Variants in KRT222 observed in about 807,000 individuals in gnomAD.
KRT222 encodes the protein keratin 222.
KRT222 carries 23 observed loss-of-function variants against 35.0 expected under a neutral mutation model. The ratio of observed to expected loss-of-function variants is 0.66; its 90% confidence interval spans 0.47 to 0.93. KRT222 has a LOEUF of 0.93. Ranked by LOEUF, KRT222 falls within the 40% of genes least tolerant of loss-of-function variation. KRT222 has a pLI of 0.00. For missense variants in KRT222, 339 were observed against 346.3 expected, an observed-to-expected ratio of 0.98 and a Z score of 0.17; for synonymous variants, 108 against 118.8, an observed-to-expected ratio of 0.91 and a Z score of 0.59.
Position 40,656,189 on chromosome 17 carries a change from C to A in KRT222, c.*213G>T, listed in dbSNP as rs1389929035. 14 of 420,618 alleles carry A rather than the reference C, an allele frequency of 3.3e-5. No individual in the cohort carries two copies. Among genetic ancestry groups the A allele is most frequent in the African/African-American group, 8.1e-5 (4 of 49,330 alleles). The allele number at this position is 420,618 out of a possible 1,614,324, so 26.1% of individuals were successfully genotyped here. A position where few individuals can be genotyped will look rare whatever the true frequency, so the allele number is the denominator to read the frequency against. On this transcript the variant is annotated 3_prime_UTR_variant, in exon 6 of 6. Transcript: ENST00000394052. ...TTTGTGATTTTATTTTTAAGCTACTCCCTCTCATTCATATATATATATATA... is the reference window on the plus strand; with the variant it reads ...TTTGTGATTTTATTTTTAAGCTACTACCTCTCATTCATATATATATATATA...
At position 40,665,160 on chromosome 17, in the gene KRT222, AGTCTGCTCG is replaced by A; in HGVS notation, c.-70_-62del. 6.6e-7 allele frequency: 1 copy of A among 1,516,060 alleles called. No homozygotes were observed. Among genetic ancestry groups the A allele is most frequent in the Non-Finnish European group, 9.1e-7 (1 of 1,094,490 alleles). 93.9% of individuals were successfully genotyped at this position (1,516,060 alleles called of 1,614,324 possible). On this transcript the variant is annotated 5_prime_UTR_variant, in exon 1 of 6. Coordinates refer to ENST00000394052, the MANE Select transcript of KRT222 (RefSeq NM_152349.3). ...TATCGATAGGATGAGTCGCTGCGGC[AGTCTGCTCG>A]GTCTGCGCGGAAGGCAGGGAGCCTC... is the stretch of plus-strand genomic sequence containing the variant.
intron 1 of KRT222, among the ~76,000 whole-genome samples, chr17:40,662,400 G>GA (rs2037389401): frequency 6.6e-6 from 1 of 152,210 alleles, no homozygotes; most frequent in Non-Finnish European, 1.5e-5. Context: ...AGGAAGGATT[G>GA]AAAATTAGCT....
Position 40,662,545 on chromosome 17 carries a change from A to G in KRT222, c.97-501T>C, listed in dbSNP as rs527680087. Among the ~76,000 whole-genome samples, 5 of 152,346 alleles carry G rather than the reference A, an allele frequency of 3.3e-5. No homozygotes were observed. The South Asian group carries it at 1.0e-3, about 32-fold the overall frequency. On this transcript the variant is annotated intron_variant, in intron 1 of 5. Coordinates refer to ENST00000394052, the MANE Select transcript of KRT222 (RefSeq NM_152349.3). ...CTAGGAAATACATTACTAGTAATTT[A>G]GAGAATTAAGTTGTTATAGGCAATA...
In KRT222 at chr17:40,657,459, T is replaced by A; in HGVS notation, c.552A>T (p.Thr184=). The A allele has an allele frequency of 6.2e-7, 1 of 1,606,296 alleles. No individual in the cohort carries two copies. The highest frequency in any genetic ancestry group is 1.1e-5 in the South Asian group (1 of 90,126). ...CATTCTCATACTTTTGTGGGACTTTTGTAGTAAAAGATATTTCATTTATAA... is the reference window on the plus strand; with the variant it reads ...CATTCTCATACTTTTGTGGGACTTTAGTAGTAAAAGATATTTCATTTATAA... ...SAIINEISFT[T]KVPQKYENEN... is the part of the protein sequence containing the mutation. Residue 184 remains threonine, a synonymous_variant, in exon 5 of 6, where the codon ACA becomes ACT. Transcript: ENST00000394052.
intron 3 of KRT222, among the ~76,000 whole-genome samples, chr17:40,659,378 T>G (rs1354102956): frequency 6.6e-6 from 1 of 152,100 alleles, no homozygotes; most frequent in African/African-American, 2.4e-5. Context: ...TTTCGCCATG[T>G]TGGCCAGGCG....
Position 40,661,979 on chromosome 17 carries a change from T to C in KRT222, c.162A>G (p.Glu54=), listed in dbSNP as rs1283135843. Residue 54 remains glutamate, a synonymous_variant, in exon 2 of 6, where the codon GAA becomes GAG. Transcript: ENST00000394052. ...GCCACTGGCGTCGGGCCTCCTTGAG[T>C]TCTGCTTGAGCTGCCTTCAAAGCCT... The part of the protein sequence containing the change: ...DEEALKAAQA[E]LKEARRQWHH... The C allele has an allele frequency of 5.0e-6, 8 of 1,614,216 alleles. No individual in the cohort carries two copies. In the East Asian group the frequency reaches 1.8e-4, roughly 36 times the overall value.
intron 3 of KRT222, among the ~76,000 whole-genome samples, chr17:40,658,895 T>C (rs942655053): frequency 5.3e-5 from 8 of 152,218 alleles, no homozygotes; most frequent in Non-Finnish European, 1.2e-4. Context: ...TCTTTTCCTA[T>C]CAGGATATCT....
In KRT222 at chr17:40,665,163, C is replaced by G; in HGVS notation, c.-64G>C. The G allele has an allele frequency of 6.8e-7, 1 of 1,472,750 alleles. No homozygotes were observed. The highest frequency in any genetic ancestry group is 9.5e-7 in the Non-Finnish European group (1 of 1,055,710). The allele number at this position is 1,472,750 out of a possible 1,614,324, so 91.2% of individuals were successfully genotyped here. A position where few individuals can be genotyped will look rare whatever the true frequency, so the allele number is the denominator to read the frequency against. ...CGATAGGATGAGTCGCTGCGGCAGT[C>G]TGCTCGGTCTGCGCGGAAGGCAGGG... On this transcript the variant is annotated 5_prime_UTR_variant, in exon 1 of 6. Coordinates refer to ENST00000394052, the MANE Select transcript of KRT222 (RefSeq NM_152349.3).
rs897151120 is a variant in KRT222, at chr17:40,655,587, T to C, written c.*815A>G. The C allele has an allele frequency of 2.6e-5, 4 of 152,174 alleles. No individual in the cohort carries two copies. Among genetic ancestry groups the C allele is most frequent in the Admixed American group, 2.0e-4 (3 of 15,274 alleles). 9.4% of individuals were successfully genotyped at this position (152,174 alleles called of 1,614,324 possible). Reference sequence around the variant, plus strand: ...TGGTGGGTAACTGTTCTGATAACTATAGTAACTACCTTTTCAATTTGCTTT... The same window carrying C: ...TGGTGGGTAACTGTTCTGATAACTACAGTAACTACCTTTTCAATTTGCTTT... On this transcript the variant is annotated 3_prime_UTR_variant, in exon 6 of 6. Coordinates refer to ENST00000394052, the MANE Select transcript of KRT222 (RefSeq NM_152349.3).
Position 40,657,449 on chromosome 17 carries a change from G to C in KRT222, c.562C>G (p.Gln188Glu). The C allele has an allele frequency of 6.2e-7, 1 of 1,608,566 alleles. No individual in the cohort carries two copies. The highest frequency in any genetic ancestry group is 1.1e-5 in the South Asian group (1 of 90,366). The change falls in exon 5 of 6, where the codon CAA (glutamine) becomes GAA (glutamate). Residue 188 changes from glutamine (Q) to glutamate (E), a missense_variant. Coordinates refer to ENST00000394052, the MANE Select transcript of KRT222 (RefSeq NM_152349.3). ...NEISFTTKVP[Q>E]KYENENVETV... ...TCTACATTTTCATTCTCATACTTTT[G>C]TGGGACTTTTGTAGTAAAAGATATT...
Position 40,656,514 on chromosome 17 carries a change from T to A in KRT222, c.776A>T (p.Asp259Val). ...CTGCTTAGTCTCTAAACACCCTTCA[T>A]CAGTGGCTGCTAAATGAAGATCAAA... The part of the protein sequence containing the change: ...LRFDLHLAAT[D>V]EGCLETKQDN... Residue 259 changes from aspartate (D) to valine (V), a missense_variant, in exon 6 of 6, where the codon GAT (aspartate) becomes GTT (valine). Asp to Val is a radical substitution (Grantham distance 152). Transcript: ENST00000394052. 2 of 1,613,760 alleles carry A rather than the reference T, an allele frequency of 1.2e-6. No homozygotes were observed. Among genetic ancestry groups the A allele is most frequent in the Non-Finnish European group, 1.7e-6 (2 of 1,179,706 alleles).
intron 1 of KRT222, among the ~76,000 whole-genome samples, chr17:40,662,947 A>C (rs1376607152): frequency 6.6e-6 from 1 of 152,110 alleles, no homozygotes; most frequent in Non-Finnish European, 1.5e-5. Context: ...ATCATACATT[A>C]GATTTTTTTA....
At chr17:40,661,467 T>C (rs1295858051) in intron 2 of KRT222, among the ~76,000 whole-genome samples, 1 of 152,098 alleles carries the variant, frequency 6.6e-6, no homozygotes, top group African/African-American at 2.4e-5. Flanking sequence ...GGTTTCATCA[T>C]GTTGCTCAGG....
Position 40,657,680 on chromosome 17 carries a change from G to A in KRT222, c.517C>T (p.Pro173Ser). The A allele has an allele frequency of 6.2e-7, 1 of 1,611,276 alleles. No homozygotes were observed. The highest frequency in any genetic ancestry group is 8.5e-7 in the Non-Finnish European group (1 of 1,178,328). The stretch of plus-strand genomic sequence containing the variant: ...ATTTATGTCAGAAACTCACCTGATG[G>A]TAAAACAAAACCAACTCTACTTGTG... ...PTTSRVGFVL[P>S]SAIINEISFT... Residue 173 changes from proline to serine, a missense_variant, in exon 4 of 6, where the codon CCA becomes TCA. Transcript: ENST00000394052.
At chr17:40,657,189 C>A in intron 5 of KRT222, 163 bp downstream of exon 5, 2 of 441,140 alleles carry the variant, frequency 4.5e-6, no homozygotes. Flanking sequence ...TCCACCCTGG[C>A]GACAGAGCAA....
At position 40,662,612 on chromosome 17, in the gene KRT222, T is replaced by A. The variant is rs549410100; in HGVS notation, c.97-568A>T. 2.0e-5 allele frequency among the ~76,000 whole-genome samples: 3 copies of A among 152,328 alleles called. No homozygotes were observed. The South Asian group carries it at 6.2e-4, about 32-fold the overall frequency. On this transcript the variant is annotated intron_variant, in intron 1 of 5. Transcript: ENST00000394052. ...TTCCATATTAAGAAAATCTGTTGAT[T>A]GACCTTTTTCAAGATGATCTTTTTA... is the stretch of plus-strand genomic sequence containing the variant.
chr17:40,663,133 T>C (rs1463314859), intron 1 of KRT222, among the ~76,000 whole-genome samples: 1 of 152,194 alleles, frequency 6.6e-6, no homozygotes, highest in Non-Finnish European at 1.5e-5. Flanking sequence ...TAAGGAATTT[T>C]GGAGAGAAGA....
chr17:40,659,982 G>C lies in KRT222; in HGVS notation c.446+5C>G, dbSNP rs745422504. The stretch of plus-strand genomic sequence containing the variant: ...CCTTGTCATTAACTAAATGGATTTA[G>C]GTACCTGATTTCTTCTTTTTCTAGG... On this transcript the variant is annotated splice_donor_5th_base_variant and intron_variant, in intron 3 of 5. Coordinates refer to ENST00000394052, the MANE Select transcript of KRT222 (RefSeq NM_152349.3). 1.9e-6 allele frequency: 3 copies of C among 1,612,108 alleles called. No individual in the cohort carries two copies. In the South Asian group the frequency reaches 3.3e-5, roughly 18 times the overall value.
At chr17:40,660,443 C>G (rs1367798368) in intron 2 of KRT222, among the ~76,000 whole-genome samples, 1 of 152,012 alleles carries the variant, frequency 6.6e-6, no homozygotes, top group African/African-American at 2.4e-5. Flanking sequence ...CCACGCCCGG[C>G]TAATTTTTTG....
Sources: gnomAD v4.1 joint callset for allele counts (sites outside exome capture counted in the v4.1 genomes callset) on GRCh38, gnomAD v4.1.1 for gene constraint, MANE v1.5 for transcripts, NCBI Gene and HGNC (gene_info 2026-07-23, HGNC 2026-07-21) for gene names.